ASCC1: variants seen among roughly 807,000 people sequenced by gnomAD.
The protein encoded by ASCC1 is ASC-1 complex subunit P50.
In ASCC1, 35 loss-of-function variants were observed where a neutral mutation model predicts 46.6. The observed-to-expected ratio is 0.75, with a 90% CI of 0.57 to 0.99. The LOEUF is 0.99. Ranked by LOEUF, ASCC1 falls within the 50% of genes least tolerant of loss-of-function variation. The pLI is 0.00. For missense variants in ASCC1, 376 were observed against 428.7 expected (o/e 0.88, Z 1.09); for synonymous variants, 143 against 146.6 (o/e 0.98, Z 0.18).
chr10:72,192,533 A>C (rs989145761), intron 5 of ASCC1, among the ~76,000 whole-genome samples: 2 of 151,884 alleles, frequency 1.3e-5, no homozygotes, highest in African/African-American at 4.8e-5. Flanking sequence ...TCACTTTGTC[A>C]CCCATGCTGG....
intron 9 of ASCC1, chr10:72,102,195 T>C: frequency 1.4e-6 from 1 of 705,510 alleles, no homozygotes; most frequent in Non-Finnish European, 2.4e-6. Flanking sequence ...GAGAAGGAGA[T>C]GGAAAAATCA....
chr10:72,125,048 T>C (rs1268973447), intron 9 of ASCC1, among the ~76,000 whole-genome samples: 1 of 152,102 alleles, frequency 6.6e-6, no homozygotes, highest in Non-Finnish European at 1.5e-5. Context: ...AAAAGAAAAA[T>C]GTGGCTTCCA....
At chr10:72,142,663 G>A (rs116124180) in intron 7 of ASCC1, among the ~76,000 whole-genome samples, 2,340 of 151,860 alleles carry the variant, frequency 0.015, 68 homozygotes, top group African/African-American at 0.053. Flanking sequence ...CACTGCACCC[G>A]GCCAGATTTC....
Position 72,139,973 on chromosome 10 carries a change from G to A in ASCC1, c.747-6792C>T, listed in dbSNP as rs1166179430. 2.0e-5 allele frequency among the ~76,000 whole-genome samples: 3 copies of A among 152,190 alleles called. No homozygotes were observed. The East Asian group carries it at 5.8e-4, about 29-fold the overall frequency. ...GGTAATAACATAAGCAATACAGAGT[G>A]TTTCGGGTAATTTAAAAGTGGAAGA... On this transcript the variant is annotated intron_variant, in intron 7 of 9. Transcript: ENST00000672957.
chr10:72,181,176 G>A (rs1366842397), intron 5 of ASCC1, among the ~76,000 whole-genome samples: 1 of 152,166 alleles, frequency 6.6e-6, no homozygotes, highest in African/African-American at 2.4e-5. Context: ...ACGTTGGCCA[G>A]GATGGTCTCG....
chr10:72,155,651 G>A lies in ASCC1; in HGVS notation c.627-2663C>T, dbSNP rs1376506526. ...TTACAAAATGATATTTTATTTTTGTGTATCTGTAATTACTGGTTTTCCTAA... is the reference window on the plus strand; with the variant it reads ...TTACAAAATGATATTTTATTTTTGTATATCTGTAATTACTGGTTTTCCTAA... On this transcript the variant is annotated intron_variant, in intron 6 of 9. Transcript: ENST00000672957. Among the ~76,000 whole-genome samples, 4 of 152,148 alleles carry A rather than the reference G, an allele frequency of 2.6e-5. No homozygotes were observed. In the East Asian group the frequency reaches 7.7e-4, roughly 29 times the overall value.
intron 7 of ASCC1, chr10:72,134,595 T>C (rs1845977941): frequency 1.3e-5 from 2 of 152,344 alleles, no homozygotes; most frequent in Non-Finnish European, 2.9e-5. Context: ...TTTTCTCCAG[T>C]CCTTGAATGT....
chr10:72,211,795 C>T (rs1020897412), intron 2 of ASCC1, among the ~76,000 whole-genome samples: 2 of 151,640 alleles, frequency 1.3e-5, no homozygotes, highest in East Asian at 1.9e-4. Flanking sequence ...TGCACTCCAG[C>T]CTGGGTGACA....
intron 6 of ASCC1, 35 bp from the exon 7 acceptor site, chr10:72,153,023 G>C: frequency 6.2e-7 from 1 of 1,613,340 alleles, no homozygotes; most frequent in East Asian, 2.2e-5. Context: ...ATCTATAACT[G>C]TTTAAGCTAA....
In ASCC1 at chr10:72,111,340, G is replaced by T. The variant is rs114827290; in HGVS notation, c.958-13890C>A. 7.6e-3 allele frequency among the ~76,000 whole-genome samples: 1,160 copies of T among 152,222 alleles called. 14 individuals carry two copies. Among genetic ancestry groups the T allele is most frequent in the African/African-American group, 0.027 (1,102 of 41,540 alleles). ...TCTCTACAAAAAAATACAAAAATTAGTTGGGTGTGGCAGCACACGCCTGTA... is the reference window on the plus strand; with the variant it reads ...TCTCTACAAAAAAATACAAAAATTATTTGGGTGTGGCAGCACACGCCTGTA... On this transcript the variant is annotated intron_variant, in intron 9 of 9. Transcript: ENST00000672957.
At chr10:72,205,832 T>TG (rs2133411741) in intron 3 of ASCC1, among the ~76,000 whole-genome samples, 1 of 151,504 alleles carries the variant, frequency 6.6e-6, no homozygotes, top group South Asian at 2.1e-4. Flanking sequence ...TAAATTTGGC[T>TG]GGGGGTGGTG....
chr10:72,121,797 T>G (rs188669214), intron 9 of ASCC1, among the ~76,000 whole-genome samples: 1 of 152,310 alleles, frequency 6.6e-6, no homozygotes, highest in African/African-American at 2.4e-5. Context: ...ACTATTATAG[T>G]TGGAGACTTT....
chr10:72,184,727 A>C (rs1247299360), intron 5 of ASCC1, among the ~76,000 whole-genome samples: 1 of 151,880 alleles, frequency 6.6e-6, no homozygotes, highest in Non-Finnish European at 1.5e-5. Flanking sequence ...GTATGGATAC[A>C]GAGGTTGCAG....
At chr10:72,181,497 AAAAC>A (rs1274406773) in intron 5 of ASCC1, among the ~76,000 whole-genome samples, 5 of 152,212 alleles carry the variant, frequency 3.3e-5, no homozygotes, top group Admixed American at 6.5e-5. Context: ...TGAAATTTAA[AAAAC>A]AAACAGATTT....
At chr10:72,107,544 G>T (rs562069910) in intron 9 of ASCC1, among the ~76,000 whole-genome samples, 30 of 152,294 alleles carry the variant, frequency 2.0e-4, no homozygotes, top group Admixed American at 1.2e-3. Context: ...CACATGGGCT[G>T]TGCCCAAGTG....
chr10:72,215,619 G>A (rs940779682), intron 1 of ASCC1, among the ~76,000 whole-genome samples: 1 of 152,046 alleles, frequency 6.6e-6, no homozygotes, highest in Non-Finnish European at 1.5e-5. Context: ...AAAAAAAAAT[G>A]TTCCCCACAA....
intron 1 of ASCC1, chr10:72,215,706 T>G (rs1173572430): frequency 6.6e-6 from 1 of 152,072 alleles, no homozygotes; most frequent in Non-Finnish European, 1.5e-5. Flanking sequence ...AGACAGCAAA[T>G]GCAGCATCTA....
intron 5 of ASCC1, among the ~76,000 whole-genome samples, chr10:72,163,318 G>A (rs1377681293): frequency 6.6e-6 from 1 of 152,144 alleles, no homozygotes; most frequent in Non-Finnish European, 1.5e-5. Flanking sequence ...GTACATGCAT[G>A]TTTCCAGAAG....
chr10:72,191,152 G>A (rs1361406819), intron 5 of ASCC1, among the ~76,000 whole-genome samples: 1 of 150,028 alleles, frequency 6.7e-6, no homozygotes. Context: ...CCGCCTCCCA[G>A]GTTCAAGCGA....
Sources: gnomAD v4.1 joint callset for allele counts (sites outside exome capture counted in the v4.1 genomes callset) on GRCh38, gnomAD v4.1.1 for gene constraint, MANE v1.5 for transcripts, NCBI Gene and HGNC (gene_info 2026-07-23, HGNC 2026-07-21) for gene names.